CNTN6: variants seen among roughly 807,000 people sequenced by gnomAD.
The protein encoded by CNTN6 is contactin-6.
Under a neutral mutation model 122.8 loss-of-function variants are expected in CNTN6, and 137 were observed. The observed-to-expected ratio is 1.12, with a 90% CI of 0.97 to 1.29. The LOEUF (loss-of-function observed/expected upper bound fraction) is 1.29. Ranked by LOEUF, CNTN6 falls within the 50% of genes most tolerant of loss-of-function variation. CNTN6 has a pLI of 0.00. For missense variants in CNTN6, 1,634 were observed against 1,223.4 expected (o/e 1.34, Z -5.01); for synonymous variants, 570 against 426.0 (o/e 1.34, Z -4.16).
intron 12 of CNTN6, among the ~76,000 whole-genome samples, chr3:1,353,776 C>T (rs1706067809): frequency 6.6e-6 from 1 of 151,470 alleles, no homozygotes; most frequent in South Asian, 2.1e-4. Context: ...TTTATTACAG[C>T]AGAAGATTAA....
Position 1,218,780 on chromosome 3 carries a change from C to CA in CNTN6, c.56-1898dup, listed in dbSNP as rs559172335. On this transcript the variant is annotated intron_variant, in intron 2 of 22. Coordinates refer to ENST00000446702, the MANE Select transcript of CNTN6 (RefSeq NM_001289080.2). Reference sequence around the variant, plus strand: ...TGAGAGGCTCTGGGCAAGAGCACCTCAAAAAAAAATGAGTACGGTGAGCAT... The same window carrying CA: ...TGAGAGGCTCTGGGCAAGAGCACCTCAAAAAAAAAATGAGTACGGTGAGCAT... Among the ~76,000 whole-genome samples the CA allele has an allele frequency of 1.5e-4, 22 of 150,290 alleles. No homozygotes were observed. The South Asian group carries it at 2.1e-3, about 14-fold the overall frequency.
intron 4 of CNTN6, among the ~76,000 whole-genome samples, chr3:1,245,976 C>G (rs1452233557): frequency 6.6e-6 from 1 of 152,036 alleles, no homozygotes; most frequent in African/African-American, 2.4e-5. Flanking sequence ...TTTTGTTGGG[C>G]CACATTCAAA....
chr3:1,179,106 A>G (rs1041668141), intron 2 of CNTN6, among the ~76,000 whole-genome samples: 1 of 152,092 alleles, frequency 6.6e-6, no homozygotes, highest in Admixed American at 6.6e-5. Context: ...ATCACATGGC[A>G]AAAGAGGGAG....
chr3:1,233,585 A>G (rs1246241250), intron 4 of CNTN6, among the ~76,000 whole-genome samples: 2 of 151,864 alleles, frequency 1.3e-5, no homozygotes, highest in Non-Finnish European at 1.5e-5. Context: ...AATACAAAAA[A>G]TTAGCCGGGT....
At chr3:1,249,568 G>A (rs552596555) in intron 4 of CNTN6, among the ~76,000 whole-genome samples, 57 of 152,280 alleles carry the variant, frequency 3.7e-4, no homozygotes, top group Admixed American at 1.4e-3. Flanking sequence ...ATGCAAATAA[G>A]GAAGAGTCTC....
chr3:1,175,487 A>C (rs1381999974), intron 2 of CNTN6, among the ~76,000 whole-genome samples: 1 of 152,186 alleles, frequency 6.6e-6, no homozygotes, highest in Non-Finnish European at 1.5e-5. Flanking sequence ...GCAGATAGCA[A>C]CTGGGAGCAC....
chr3:1,349,331 T>C (rs1705253535), intron 11 of CNTN6, among the ~76,000 whole-genome samples: 1 of 151,934 alleles, frequency 6.6e-6, no homozygotes, highest in South Asian at 2.1e-4. Flanking sequence ...TCTCTACTTT[T>C]ATTATCAGAA....
At chr3:1,334,532 G>C (rs890435260) in intron 11 of CNTN6, among the ~76,000 whole-genome samples, 2 of 152,032 alleles carry the variant, frequency 1.3e-5, no homozygotes, top group African/African-American at 4.8e-5. Flanking sequence ...TAGCCCAAGG[G>C]GTTGAAATTG....
At chr3:1,317,774 C>G (rs1700295113) in intron 7 of CNTN6, among the ~76,000 whole-genome samples, 1 of 151,510 alleles carries the variant, frequency 6.6e-6, no homozygotes, top group Non-Finnish European at 1.5e-5. Context: ...GCCCTACAAG[C>G]CTCTTATGGC....
chr3:1,199,723 G>C (rs1485982236), intron 2 of CNTN6, among the ~76,000 whole-genome samples: 1 of 152,144 alleles, frequency 6.6e-6, no homozygotes, highest in East Asian at 1.9e-4. Context: ...TGCTAAGTGA[G>C]TGATTAAGAG....
chr3:1,187,795 G>A (rs766986032), intron 2 of CNTN6, among the ~76,000 whole-genome samples: 1 of 152,226 alleles, frequency 6.6e-6, no homozygotes, highest in Non-Finnish European at 1.5e-5. Flanking sequence ...TGCCCCTACT[G>A]TGCCAGTGCC....
At chr3:1,293,517 C>G (rs1695684108) in intron 5 of CNTN6, among the ~76,000 whole-genome samples, 1 of 152,124 alleles carries the variant, frequency 6.6e-6, no homozygotes, top group African/African-American at 2.4e-5. Context: ...CTGAGGAAGC[C>G]TACCGGAACA....
intron 11 of CNTN6, among the ~76,000 whole-genome samples, chr3:1,337,201 C>T (rs938279914): frequency 7.9e-5 from 12 of 152,128 alleles, no homozygotes; most frequent in African/African-American, 2.9e-4. Flanking sequence ...TTGCCCAATA[C>T]TTAGCTATCA....
At chr3:1,255,615 A>G (rs1200144306) in intron 4 of CNTN6, among the ~76,000 whole-genome samples, 1 of 152,052 alleles carries the variant, frequency 6.6e-6, no homozygotes, top group Non-Finnish European at 1.5e-5. Context: ...TATTTAATTG[A>G]TGACGTTACC....
At position 1,245,755 on chromosome 3, in the gene CNTN6, A is replaced by T. The variant is rs183333222; in HGVS notation, c.358+17762A>T. On this transcript the variant is annotated intron_variant, in intron 4 of 22. Coordinates refer to ENST00000446702, the MANE Select transcript of CNTN6 (RefSeq NM_001289080.2). ...AAGAAAGCCAAAAACAAACAAATAA[A>T]CAGCAAATACAAATAATAAAGAGTT... is the stretch of plus-strand genomic sequence containing the variant. Among the ~76,000 whole-genome samples, 460 of 152,210 alleles carry T rather than the reference A, an allele frequency of 3.0e-3. 1 individual carries two copies. The highest frequency in any genetic ancestry group is 0.01 in the African/African-American group (434 of 41,528).
At chr3:1,361,169 G>T (rs1452067267) in intron 12 of CNTN6, among the ~76,000 whole-genome samples, 1 of 151,990 alleles carries the variant, frequency 6.6e-6, no homozygotes, top group South Asian at 2.1e-4. Flanking sequence ...GACCCCATCC[G>T]CTGCCTTGCA....
chr3:1,358,837 G>A (rs1003996848), intron 12 of CNTN6, among the ~76,000 whole-genome samples: 2 of 152,008 alleles, frequency 1.3e-5, no homozygotes, highest in South Asian at 2.1e-4. Flanking sequence ...TTGAAAGGCT[G>A]AGGTGGGAGG....
chr3:1,297,120 G>A (rs1431563386), intron 6 of CNTN6, among the ~76,000 whole-genome samples: 3 of 151,980 alleles, frequency 2.0e-5, no homozygotes, highest in African/African-American at 7.3e-5. Flanking sequence ...TGTTTATAAT[G>A]ATCAAGTCTT....
chr3:1,168,867 T>C (rs1010652871), intron 2 of CNTN6, among the ~76,000 whole-genome samples: 1 of 152,200 alleles, frequency 6.6e-6, no homozygotes, highest in African/African-American at 2.4e-5. Flanking sequence ...TGCTAATATA[T>C]AGGTTAATTT....
Sources: allele counts gnomAD v4.1 joint callset (sites outside exome capture counted in the v4.1 genomes callset), GRCh38; gene constraint gnomAD v4.1.1; transcripts MANE v1.5; gene names NCBI Gene and HGNC (gene_info 2026-07-23, HGNC 2026-07-21).